Variants in SERTM1 observed in about 807,000 individuals in gnomAD.
SERTM1 encodes the protein serine rich and transmembrane domain containing 1.
A neutral mutation model predicts 5.5 loss-of-function variants in SERTM1; 1 was observed. That is an observed-to-expected ratio of 0.18 (90% confidence interval 0.06 to 0.86). SERTM1 has a LOEUF of 0.86. Ranked by LOEUF, SERTM1 falls within the 40% of genes least tolerant of loss-of-function variation. The pLI, the probability that SERTM1 is intolerant of heterozygous loss-of-function variation, is 0.69. For missense variants in SERTM1, 91 were observed against 122.4 expected (o/e 0.74, Z 1.21); for synonymous variants, 52 against 55.1 (o/e 0.94, Z 0.25).
In SERTM1 at chr13:36,695,007, A is replaced by G. The variant is rs1024210036; in HGVS notation, c.-72A>G. 22 of 1,096,482 alleles carry G rather than the reference A, an allele frequency of 2.0e-5. No individual in the cohort carries two copies. The highest frequency in any genetic ancestry group is 2.5e-5 in the Non-Finnish European group (19 of 747,672). 67.9% of individuals were successfully genotyped at this position (1,096,482 alleles called of 1,614,324 possible). ...CAAACACGATCGTGAAAAAATGCCA[A>G]TCTGTCCTGTGTAAGCCCTGTGTGA... On this transcript the variant is annotated 5_prime_UTR_variant, in exon 2 of 2. Coordinates refer to ENST00000315190, the MANE Select transcript of SERTM1 (RefSeq NM_203451.3).
At chr13:36,691,283 A>G (rs1033117486) in intron 1 of SERTM1, among the ~76,000 whole-genome samples, 1 of 152,162 alleles carries the variant, frequency 6.6e-6, no homozygotes, top group African/African-American at 2.4e-5. Flanking sequence ...TATAGTCCTC[A>G]TAATCCTTCC....
Position 36,685,899 on chromosome 13 carries a change from T to TG in SERTM1, c.-173-9006dup, listed in dbSNP as rs553420742. On this transcript the variant is annotated intron_variant, in intron 1 of 1. Transcript: ENST00000315190. ...TTTGAACCTGGACCACGCTGGCTCT[T>TG]GTGGGTTCTCCCTGATCTTCTCACA... is the stretch of plus-strand genomic sequence containing the variant. Among the ~76,000 whole-genome samples the TG allele has an allele frequency of 5.1e-3, 780 of 152,324 alleles. 6 individuals carry two copies. The highest frequency in any genetic ancestry group is 0.018 in the African/African-American group (742 of 41,566).
At chr13:36,674,238 G>GC (rs1458413533) in intron 1 of SERTM1, 54 bp downstream of exon 1, 4 of 152,066 alleles carry the variant, frequency 2.6e-5, no homozygotes, top group Non-Finnish European at 5.9e-5. Context: ...CTTGCCCTAC[G>GC]CGGAGAGCGC....
chr13:36,688,899 T>G (rs1302868108), intron 1 of SERTM1, among the ~76,000 whole-genome samples: 2 of 152,140 alleles, frequency 1.3e-5, no homozygotes, highest in Non-Finnish European at 2.9e-5. Flanking sequence ...CTTAACCAGT[T>G]AGTGTTTTCT....
intron 1 of SERTM1, among the ~76,000 whole-genome samples, chr13:36,687,192 G>A (rs1470146070): frequency 4.6e-5 from 7 of 152,092 alleles, no homozygotes; most frequent in Admixed American, 2.6e-4. Flanking sequence ...ATTAATTCAC[G>A]GAAATGTGAA....
chr13:36,688,846 T>G (rs945443408), intron 1 of SERTM1, among the ~76,000 whole-genome samples: 4 of 152,332 alleles, frequency 2.6e-5, no homozygotes, highest in African/African-American at 9.6e-5. Flanking sequence ...CCAATGACCT[T>G]TTCTCCTGCT....
chr13:36,695,450 T>C lies in SERTM1; in HGVS notation c.*48T>C. On this transcript the variant is annotated 3_prime_UTR_variant, in exon 2 of 2. Coordinates refer to ENST00000315190, the MANE Select transcript of SERTM1 (RefSeq NM_203451.3). ...TGTGGCAGCAGTTTTGACATCCCCT[T>C]ACGGAAGTGTCCCGTGAGGCATTGC... is the stretch of plus-strand genomic sequence containing the variant. 1.4e-6 allele frequency: 2 copies of C among 1,398,728 alleles called. No homozygotes were observed. The highest frequency in any genetic ancestry group is 1.8e-5 in the Admixed American group (1 of 55,292). The allele number at this position is 1,398,728 out of a possible 1,614,324, so 86.6% of individuals were successfully genotyped here.
At chr13:36,690,796 G>C (rs989044332) in intron 1 of SERTM1, among the ~76,000 whole-genome samples, 10 of 152,026 alleles carry the variant, frequency 6.6e-5, no homozygotes, top group Admixed American at 6.5e-4. Context: ...ACTGGAAAAA[G>C]CTTTTTATTA....
intron 1 of SERTM1, among the ~76,000 whole-genome samples, chr13:36,680,343 G>A (rs1297629821): frequency 6.6e-6 from 1 of 152,032 alleles, no homozygotes; most frequent in Non-Finnish European, 1.5e-5. Context: ...GTCGGTTTTG[G>A]CCTTACATTT....
At chr13:36,689,760 C>T (rs543335722) in intron 1 of SERTM1, among the ~76,000 whole-genome samples, 7 of 150,862 alleles carry the variant, frequency 4.6e-5, no homozygotes, top group South Asian at 4.3e-4. Context: ...TTATACCTTA[C>T]GTAGATAACT....
At chr13:36,675,076 C>T (rs2056661372) in intron 1 of SERTM1, among the ~76,000 whole-genome samples, 2 of 152,318 alleles carry the variant, frequency 1.3e-5, no homozygotes, top group Middle Eastern at 6.8e-3. Context: ...GCTATGCCTG[C>T]CCGCTTTCCT....
In SERTM1 at chr13:36,695,055, A is replaced by G; in HGVS notation, c.-24A>G. 6.4e-7 allele frequency: 1 copy of G among 1,567,072 alleles called. No individual in the cohort carries two copies. Among genetic ancestry groups the G allele is most frequent in the Non-Finnish European group, 8.7e-7 (1 of 1,144,632 alleles). On this transcript the variant is annotated 5_prime_UTR_variant, in exon 2 of 2. Coordinates refer to ENST00000315190, the MANE Select transcript of SERTM1 (RefSeq NM_203451.3). ...TGAAGTTTTGACTTTAATCTACCAG[A>G]TCACTCCTTCACCCTCCATAAAGAT...
At chr13:36,680,226 C>G (rs1025195253) in intron 1 of SERTM1, among the ~76,000 whole-genome samples, 10 of 152,152 alleles carry the variant, frequency 6.6e-5, no homozygotes, top group African/African-American at 2.4e-4. Flanking sequence ...AGCTTGGATG[C>G]TAGTCTCAGA....
chr13:36,690,840 T>C (rs2056773351), intron 1 of SERTM1, among the ~76,000 whole-genome samples: 1 of 152,208 alleles, frequency 6.6e-6, no homozygotes, highest in Non-Finnish European at 1.5e-5. Context: ...ACTTTCCTCA[T>C]GGTTTTGAGA....
intron 1 of SERTM1, among the ~76,000 whole-genome samples, chr13:36,688,798 C>T (rs139953424): frequency 6.6e-6 from 1 of 152,098 alleles, no homozygotes; most frequent in Non-Finnish European, 1.5e-5. Flanking sequence ...GTCATTATTT[C>T]TCTGGCTGTT....
In SERTM1 at chr13:36,695,281, A is replaced by G; in HGVS notation, c.203A>G (p.Asn68Ser). The change falls in exon 2 of 2, where the codon AAT becomes AGT. Residue 68 changes from asparagine (N) to serine (S), a missense_variant. Physicochemically the swap from Asn to Ser is conservative, Grantham distance 46. Transcript: ENST00000315190. ...LLIIALQRLK[N>S]IISSSSSYPE... ...ATCATTGCCCTCCAGAGGCTCAAAA[A>G]TATCATCTCCTCCAGTTCCTCCTAC... 1 of 1,614,164 alleles carries G rather than the reference A, an allele frequency of 6.2e-7. No homozygotes were observed. The highest frequency in any genetic ancestry group is 8.5e-7 in the Non-Finnish European group (1 of 1,180,018).
chr13:36,695,219 A>G lies in SERTM1; in HGVS notation c.141A>G (p.Ile47Met). The G allele has an allele frequency of 6.2e-7, 1 of 1,614,182 alleles. No individual in the cohort carries two copies. Among genetic ancestry groups the G allele is most frequent in the Non-Finnish European group, 8.5e-7 (1 of 1,180,032 alleles). The change falls in exon 2 of 2, where the codon ATA becomes ATG. Residue 47 changes from isoleucine (I) to methionine (M), a missense_variant. Ile to Met is a conservative substitution (Grantham distance 10, BLOSUM62 1). Coordinates refer to ENST00000315190, the MANE Select transcript of SERTM1 (RefSeq NM_203451.3). ...HLSNVYIYVS[I>M]FLSLLAFLLL... ...CAAACGTCTACATCTATGTGTCCAT[A>G]TTCCTCAGCCTTTTAGCGTTTCTGC...
intron 1 of SERTM1, among the ~76,000 whole-genome samples, chr13:36,692,800 A>G (rs1389708513): frequency 1.3e-5 from 2 of 152,214 alleles, no homozygotes; most frequent in Admixed American, 6.5e-5. Context: ...TTTTCTTACC[A>G]CAGTTGAGAA....
chr13:36,689,293 G>C (rs932696361), intron 1 of SERTM1, among the ~76,000 whole-genome samples: 3 of 152,010 alleles, frequency 2.0e-5, no homozygotes, highest in Admixed American at 6.5e-5. Flanking sequence ...ATCACCTGAG[G>C]TCAGGAGTTC....
Sources: allele counts gnomAD v4.1 joint callset (sites outside exome capture counted in the v4.1 genomes callset), GRCh38; gene constraint gnomAD v4.1.1; transcripts MANE v1.5; gene names NCBI Gene and HGNC (gene_info 2026-07-23, HGNC 2026-07-21).